Variants in MAP3K5 observed in about 807,000 individuals in gnomAD.
The protein encoded by MAP3K5 is mitogen-activated protein kinase kinase kinase 5.
A neutral mutation model predicts 158.7 loss-of-function variants in MAP3K5; 56 were observed. The ratio of observed to expected loss-of-function variants is 0.35; its 90% CI spans 0.28 to 0.44. The LOEUF (loss-of-function observed/expected upper bound fraction) is 0.44, where lower values mean the gene tolerates loss of function less well. Ranked by LOEUF, MAP3K5 falls within the 20% of genes least tolerant of loss-of-function variation. The probability of loss-of-function intolerance (pLI) is 1.00; values close to 1 mark genes in which losing one functional copy is unlikely to be tolerated. For synonymous variants in MAP3K5, 579 were observed against 601.7 expected (o/e 0.96, Z 0.55); for missense variants, 1,294 against 1,674.8 (o/e 0.77, Z 3.97).
rs571316267 is a variant in MAP3K5 at position 136,685,221 on chromosome 6, G to A, written c.1253+8919C>T. ...TAGTCCCAGCTACTCAGCAGGCTGA[G>A]ACAGGAGGATTGCTTGAACCCAGGA... is the stretch of plus-strand genomic sequence containing the variant. On this transcript the variant is annotated intron_variant, in intron 7 of 29. Transcript: ENST00000359015. 1.7e-4 allele frequency among the ~76,000 whole-genome samples: 26 copies of A among 152,192 alleles called. No individual in the cohort carries two copies. The South Asian group carries it at 5.2e-3, about 30-fold the overall frequency.
chr6:136,572,712 T>C (rs925502077), intron 25 of MAP3K5, among the ~76,000 whole-genome samples: 1 of 152,238 alleles, frequency 6.6e-6, no homozygotes, highest in Non-Finnish European at 1.5e-5. Flanking sequence ...TCTGAATTAA[T>C]TTAAAGAAAG....
intron 23 of MAP3K5, among the ~76,000 whole-genome samples, chr6:136,587,458 T>C (rs967155380): frequency 6.6e-6 from 1 of 152,204 alleles, no homozygotes; most frequent in South Asian, 2.1e-4. Flanking sequence ...TCCTCTATCA[T>C]AGATGAGGAG....
intron 7 of MAP3K5, among the ~76,000 whole-genome samples, chr6:136,681,509 A>C (rs1021811857): frequency 5.3e-5 from 8 of 152,146 alleles, no homozygotes; most frequent in African/African-American, 1.9e-4. Flanking sequence ...GGTGCACATC[A>C]GTAGTCATGG....
intron 1 of MAP3K5, among the ~76,000 whole-genome samples, chr6:136,778,079 C>CT (rs1444379322): frequency 3.3e-4 from 50 of 152,250 alleles, no homozygotes; most frequent in African/African-American, 1.0e-3. Context: ...GGCAATAACT[C>CT]TTATTTGTTT....
At chr6:136,564,025 T>A (rs371770194) in intron 26 of MAP3K5, among the ~76,000 whole-genome samples, 1 of 152,182 alleles carries the variant, frequency 6.6e-6, no homozygotes, top group Non-Finnish European at 1.5e-5. Context: ...AATTACCTAA[T>A]GCCTCCAGGC....
chr6:136,657,123 C>A (rs61495120), intron 9 of MAP3K5, among the ~76,000 whole-genome samples: 18,396 of 152,150 alleles, frequency 0.12, 1,247 homozygotes, highest in East Asian at 0.22. Context: ...AATTATGCTT[C>A]TTTGAGGAAG....
chr6:136,602,627 C>T (rs1775928180), intron 19 of MAP3K5, among the ~76,000 whole-genome samples: 1 of 152,174 alleles, frequency 6.6e-6, no homozygotes, highest in Admixed American at 6.5e-5. Context: ...CACTGCGTTG[C>T]TCACAGTAGC....
At chr6:136,669,141 GAGATATAATA>G (rs1779357140) in intron 8 of MAP3K5, 132 bp downstream of exon 8, 1 of 662,568 alleles carries the variant, frequency 1.5e-6, no homozygotes, top group African/African-American at 1.8e-5. Flanking sequence ...ACCAAACAAG[GAGATATAATA>G]AGTTTCTTTT....
intron 1 of MAP3K5, among the ~76,000 whole-genome samples, chr6:136,766,126 T>C (rs1315376586): frequency 2.0e-5 from 3 of 152,206 alleles, no homozygotes; most frequent in African/African-American, 7.2e-5. Context: ...CCATGGAAGC[T>C]GCAGGTAAAG....
intron 21 of MAP3K5, among the ~76,000 whole-genome samples, chr6:136,599,664 G>A (rs1205455279): frequency 6.6e-6 from 1 of 152,152 alleles, no homozygotes; most frequent in Non-Finnish European, 1.5e-5. Flanking sequence ...GCTCTTTTAG[G>A]ATATTATTTT....
At chr6:136,771,624 T>A (rs1000166546) in intron 1 of MAP3K5, among the ~76,000 whole-genome samples, 1 of 152,176 alleles carries the variant, frequency 6.6e-6, no homozygotes. Context: ...GAGCTACTAC[T>A]CTCTGCCTAC....
Position 136,787,617 on chromosome 6 carries a change from C to T in MAP3K5, c.448+4093G>A, listed in dbSNP as rs573893908. Among the ~76,000 whole-genome samples the T allele has an allele frequency of 3.0e-4, 45 of 152,292 alleles. No homozygotes were observed. The South Asian group carries it at 9.3e-3, about 32-fold the overall frequency. On this transcript the variant is annotated intron_variant, in intron 1 of 29. Transcript: ENST00000359015. The stretch of plus-strand genomic sequence containing the variant: ...TAATGCTTTGTGCCTGCATCCCATG[C>T]CACCTTGCCTTTGTAAATTCACAGG...
intron 1 of MAP3K5, among the ~76,000 whole-genome samples, chr6:136,771,029 G>A (rs1269152240): frequency 6.6e-6 from 1 of 152,074 alleles, no homozygotes; most frequent in African/African-American, 2.4e-5. Context: ...GTGATGTTAG[G>A]AACTAGACAT....
At chr6:136,592,755 G>C in intron 21 of MAP3K5, 141 bp from the exon 22 acceptor site, 1 of 798,642 alleles carries the variant, frequency 1.3e-6, no homozygotes, top group East Asian at 2.6e-5. Context: ...TAAGGGAACG[G>C]TCATGTGTTA....
At chr6:136,642,696 A>C in intron 11 of MAP3K5, 127 bp from the exon 12 acceptor site, 1 of 671,600 alleles carries the variant, frequency 1.5e-6, no homozygotes, top group Non-Finnish European at 2.7e-6. Flanking sequence ...TTTTTCATGA[A>C]AGAATTATCT....
chr6:136,560,322 G>C (rs1177757114), intron 28 of MAP3K5, among the ~76,000 whole-genome samples: 1 of 151,950 alleles, frequency 6.6e-6, no homozygotes, highest in African/African-American at 2.4e-5. Context: ...TCTACTAAAA[G>C]TACAAAAATT....
At chr6:136,745,176 AT>A (rs1782883831) in intron 1 of MAP3K5, among the ~76,000 whole-genome samples, 1 of 136,428 alleles carries the variant, frequency 7.3e-6, no homozygotes, top group African/African-American at 2.9e-5. Flanking sequence ...GAGCAACTTA[AT>A]TGGAGCTTCG....
At chr6:136,750,275 G>A (rs1247604694) in intron 1 of MAP3K5, among the ~76,000 whole-genome samples, 1 of 152,052 alleles carries the variant, frequency 6.6e-6, no homozygotes, top group Non-Finnish European at 1.5e-5. Flanking sequence ...ACAGGGTTTC[G>A]CCATCTTGGC....
chr6:136,669,173 A>T, intron 8 of MAP3K5, 110 bp downstream of exon 8: 1 of 761,402 alleles, frequency 1.3e-6, no homozygotes, highest in Non-Finnish European at 2.3e-6. Flanking sequence ...TCTCTTTGGG[A>T]AGTATGAAAA....
Sources: gnomAD v4.1 joint callset for allele counts (sites outside exome capture counted in the v4.1 genomes callset) on GRCh38, gnomAD v4.1.1 for gene constraint, MANE v1.5 for transcripts, NCBI Gene and HGNC (gene_info 2026-07-23, HGNC 2026-07-21) for gene names.